Variants in CAMK2D observed in about 807,000 individuals in gnomAD.
CAMK2D encodes the protein calcium/calmodulin-dependent protein kinase type II subunit delta.
A neutral mutation model predicts 84.0 loss-of-function variants in CAMK2D; 37 were observed. The observed-to-expected ratio is 0.44, with a 90% CI of 0.34 to 0.58. The LOEUF is 0.58. Ranked by LOEUF, CAMK2D falls within the 20% of genes least tolerant of loss-of-function variation. CAMK2D has a pLI of 0.02. For missense variants in CAMK2D, 448 were observed against 652.5 expected, an observed-to-expected ratio of 0.69 and a Z score of 3.41; for synonymous variants, 202 against 212.5, an observed-to-expected ratio of 0.95 and a Z score of 0.43.
chr4:113,752,774 T>G (rs1050030476), intron 2 of CAMK2D, among the ~76,000 whole-genome samples: 4 of 152,290 alleles, frequency 2.6e-5, no homozygotes, highest in African/African-American at 9.6e-5. Flanking sequence ...ACTATATTGT[T>G]GTCCTTCCAG....
At chr4:113,597,303 A>G (rs2098931737) in intron 4 of CAMK2D, among the ~76,000 whole-genome samples, 2 of 152,138 alleles carry the variant, frequency 1.3e-5, no homozygotes, top group African/African-American at 4.8e-5. Flanking sequence ...TACATTGAAA[A>G]TCTGTTTTTA....
chr4:113,673,994 G>GTGTTTTAATAAAATAGTC, intron 2 of CAMK2D, among the ~76,000 whole-genome samples: 1 of 152,026 alleles, frequency 6.6e-6, no homozygotes, highest in South Asian at 2.1e-4. Flanking sequence ...TCTGATTACA[G>GTGTTTTAATAAAATAGTC]ATTTATTATA....
chr4:113,723,519 C>T (rs114143867), intron 2 of CAMK2D, among the ~76,000 whole-genome samples: 2,305 of 152,194 alleles, frequency 0.015, 59 homozygotes, highest in African/African-American at 0.052. Flanking sequence ...TCACTGCATC[C>T]GGCCACTTTA....
Position 113,759,234 on chromosome 4 carries a change from C to T in CAMK2D, c.160+86G>A, listed in dbSNP as rs73842804. ...ACCTAAGTCTAAAGTTCAGTTATAA[C>T]TACATGATATATTTACATACAACAG... On this transcript the variant is annotated intron_variant, in intron 2 of 20. Coordinates refer to ENST00000511664, the MANE Select transcript of CAMK2D (RefSeq NM_001321571.2). 2,699 of 760,388 alleles carry T rather than the reference C, an allele frequency of 3.5e-3. 56 individuals are homozygous for T. The African/African-American group carries it at 0.041, about 11-fold the overall frequency. 47.1% of individuals were successfully genotyped at this position (760,388 alleles called of 1,614,324 possible). A position where few individuals can be genotyped will look rare whatever the true frequency, so the allele number is the denominator to read the frequency against.
intron 5 of CAMK2D, among the ~76,000 whole-genome samples, chr4:113,550,227 T>C (rs974528350): frequency 4.6e-5 from 7 of 152,216 alleles, no homozygotes; most frequent in Non-Finnish European, 1.0e-4. Flanking sequence ...TCGCCCAGGC[T>C]GGAGTGCAGT....
At chr4:113,714,677 C>A (rs1185653416) in intron 2 of CAMK2D, among the ~76,000 whole-genome samples, 1 of 152,074 alleles carries the variant, frequency 6.6e-6, no homozygotes, top group Non-Finnish European at 1.5e-5. Context: ...TTAAACTAAC[C>A]CCTCTCTTCC....
At chr4:113,460,094 A>T in intron 18 of CAMK2D, 53 bp downstream of exon 18, 1 of 1,065,438 alleles carries the variant, frequency 9.4e-7, no homozygotes, top group Non-Finnish European at 1.5e-6. Flanking sequence ...CAAATTTGGG[A>T]AAATTCAGAG....
chr4:113,724,177 G>A (rs1053214009), intron 2 of CAMK2D, among the ~76,000 whole-genome samples: 9 of 151,814 alleles, frequency 5.9e-5, no homozygotes, highest in Admixed American at 1.3e-4. Flanking sequence ...TCTACTTTTC[G>A]TATGTTTTGG....
intron 13 of CAMK2D, 127 bp from the exon 14 acceptor site, chr4:113,505,162 A>C: frequency 2.1e-6 from 1 of 468,480 alleles, no homozygotes; most frequent in Non-Finnish European, 3.7e-6. Context: ...TGAACGTGAA[A>C]GACATGGTGA....
chr4:113,686,025 T>C (rs1405669584), intron 2 of CAMK2D, among the ~76,000 whole-genome samples: 1 of 151,428 alleles, frequency 6.6e-6, no homozygotes, highest in Non-Finnish European at 1.5e-5. Flanking sequence ...GATCATGCCT[T>C]GCACTCCAGC....
At chr4:113,606,390 A>G (rs979086367) in intron 4 of CAMK2D, among the ~76,000 whole-genome samples, 1 of 152,116 alleles carries the variant, frequency 6.6e-6, no homozygotes, top group South Asian at 2.1e-4. Flanking sequence ...GAATCGCTTG[A>G]ACCCAGGAGG....
chr4:113,612,109 C>T (rs552190020), intron 3 of CAMK2D, among the ~76,000 whole-genome samples: 85 of 152,190 alleles, frequency 5.6e-4, no homozygotes, highest in African/African-American at 2.0e-3. Context: ...AAAGTAGATA[C>T]TATAGTCTTC....
At chr4:113,529,687 T>C (rs567482149) in intron 8 of CAMK2D, among the ~76,000 whole-genome samples, 231 of 152,346 alleles carry the variant, frequency 1.5e-3, no homozygotes, top group African/African-American at 5.2e-3. Flanking sequence ...TCTTTGGGCC[T>C]GCATAGGATA....
At chr4:113,639,656 C>G (rs529610997) in intron 3 of CAMK2D, among the ~76,000 whole-genome samples, 2 of 151,414 alleles carry the variant, frequency 1.3e-5, no homozygotes, top group South Asian at 4.2e-4. Context: ...TTCAGCCAGA[C>G]AAAGTGGGAG....
At chr4:113,458,602 A>G (rs1216014097) in intron 18 of CAMK2D, among the ~76,000 whole-genome samples, 4 of 152,240 alleles carry the variant, frequency 2.6e-5, no homozygotes, top group African/African-American at 9.6e-5. Flanking sequence ...TGGAGGAAAC[A>G]TGAGATGCTA....
intron 3 of CAMK2D, among the ~76,000 whole-genome samples, chr4:113,646,801 T>G (rs1282046703): frequency 6.6e-6 from 1 of 152,200 alleles, no homozygotes; most frequent in African/African-American, 2.4e-5. Flanking sequence ...AGCCACTGAT[T>G]AGTTTCCGAG....
chr4:113,613,649 C>T (rs1591951522), intron 3 of CAMK2D, among the ~76,000 whole-genome samples: 1 of 152,112 alleles, frequency 6.6e-6, no homozygotes, highest in East Asian at 1.9e-4. Context: ...CCTAAAGCCC[C>T]AGAAAATTGT....
intron 4 of CAMK2D, among the ~76,000 whole-genome samples, chr4:113,595,608 A>G (rs1444638462): frequency 1.3e-5 from 2 of 152,162 alleles, no homozygotes; most frequent in Non-Finnish European, 2.9e-5. Context: ...GTTCCACACC[A>G]CCACAATAAA....
At chr4:113,641,491 ACTAT>A (rs1330160260) in intron 3 of CAMK2D, among the ~76,000 whole-genome samples, 9 of 152,236 alleles carry the variant, frequency 5.9e-5, no homozygotes, top group African/African-American at 2.2e-4. Context: ...TCAGATTGAC[ACTAT>A]CTAAGGATCT....
Sources: gnomAD v4.1 joint callset for allele counts (sites outside exome capture counted in the v4.1 genomes callset) on GRCh38, gnomAD v4.1.1 for gene constraint, MANE v1.5 for transcripts, NCBI Gene and HGNC (gene_info 2026-07-23, HGNC 2026-07-21) for gene names.